NEK3: variants seen among roughly 807,000 people sequenced by gnomAD.
NEK3 encodes the protein NIMA related kinase 3, also known as serine/threonine-protein kinase Nek3.
In NEK3, 54 loss-of-function variants were observed where a neutral mutation model predicts 66.0. The observed-to-expected ratio is 0.82, with a 90% CI of 0.66 to 1.03. NEK3 has a LOEUF of 1.03. Ranked by LOEUF, NEK3 falls within the 50% of genes least tolerant of loss-of-function variation. The pLI, the probability that NEK3 is intolerant of heterozygous loss-of-function variation, is 0.00. For missense variants in NEK3, 593 were observed against 603.0 expected (o/e 0.98, Z 0.17); for synonymous variants, 200 against 206.2 (o/e 0.97, Z 0.26).
chr13:52,140,875 G>A, intron 11 of NEK3, 145 bp downstream of exon 11: 1 of 510,296 alleles, frequency 2.0e-6, no homozygotes, highest in Non-Finnish European at 3.4e-6. Flanking sequence ...GAGTGCAATG[G>A]CGCAATCTAG....
rs2138184537 is a variant in NEK3 at position 52,132,865 on chromosome 13, T to C, written c.*277A>G. 2.9e-6 allele frequency: 1 copy of C among 346,120 alleles called. No homozygotes were observed. Among genetic ancestry groups the C allele is most frequent in the South Asian group, 6.5e-5 (1 of 15,296 alleles). 21.4% of individuals were successfully genotyped at this position (346,120 alleles called of 1,614,324 possible). On this transcript the variant is annotated 3_prime_UTR_variant, in exon 16 of 16. Coordinates refer to ENST00000610828, the MANE Select transcript of NEK3 (RefSeq NM_002498.3). The stretch of plus-strand genomic sequence containing the variant: ...TTCCCACAATCACACAAGTAGGTAG[T>C]GGCACGCTAGCATCCCATTTCTGTT...
chr13:52,149,839 A>G (rs1286758856), intron 7 of NEK3, among the ~76,000 whole-genome samples: 1 of 151,598 alleles, frequency 6.6e-6, no homozygotes, highest in Non-Finnish European at 1.5e-5. Context: ...ATTGCACTCA[A>G]GCCTGAGCAA....
In NEK3 at chr13:52,156,068, T is replaced by C. The variant is rs747941549; in HGVS notation, c.117+7A>G. 1.7e-5 allele frequency: 27 copies of C among 1,550,032 alleles called. No homozygotes were observed. The highest frequency in any genetic ancestry group is 3.6e-5 in the Admixed American group (2 of 55,634). ...TTTCAAAGTGAGCTAATTTCTTTAGTAGTGACCTTGGGAAGCCTTATTTCT... is the reference window on the plus strand; with the variant it reads ...TTTCAAAGTGAGCTAATTTCTTTAGCAGTGACCTTGGGAAGCCTTATTTCT... On this transcript the variant is annotated splice_region_variant and intron_variant, in intron 2 of 15. Coordinates refer to ENST00000610828, the MANE Select transcript of NEK3 (RefSeq NM_002498.3).
chr13:52,140,522 G>A (rs1956240075), intron 11 of NEK3, among the ~76,000 whole-genome samples: 1 of 151,816 alleles, frequency 6.6e-6, no homozygotes, highest in Non-Finnish European at 1.5e-5. Context: ...GCAGAAGAAT[G>A]GCATGAATCC....
intron 7 of NEK3, among the ~76,000 whole-genome samples, chr13:52,149,234 G>A (rs28393037): frequency 0.45 from 67,724 of 150,930 alleles, 17,838 homozygotes; most frequent in Non-Finnish European, 0.59. Context: ...GGGTCTCACT[G>A]TGTTGCCTAG....
chr13:52,140,092 G>A (rs1956235467), intron 11 of NEK3, among the ~76,000 whole-genome samples: 1 of 146,924 alleles, frequency 6.8e-6, no homozygotes, highest in South Asian at 2.2e-4. Flanking sequence ...GCACATGCCT[G>A]TAGTCCCAGA....
Position 52,141,768 on chromosome 13 carries a change from T to C in NEK3, c.878-699A>G, listed in dbSNP as rs544776894. Among the ~76,000 whole-genome samples, 21 of 152,058 alleles carry C rather than the reference T, an allele frequency of 1.4e-4. No individual in the cohort carries two copies. The East Asian group carries it at 4.1e-3, about 29-fold the overall frequency. ...GCATTTCTCTAACTACTTATTCCTC[T>C]TTTTAGAAACTGTAACACTATACTT... On this transcript the variant is annotated intron_variant, in intron 10 of 15. Transcript: ENST00000610828.
rs752956116 is a variant in NEK3 at position 52,133,151 on chromosome 13, G to A, written c.1512C>T (p.Cys504=). The part of the protein sequence containing the change: ...LKKRAGWQGL[C]DR Reference sequence around the variant, plus strand: ...AACATTTCCTCAGGCATTATCTGTCGCACAGGCCTTGCCATCCAGCTCGCT... The same window carrying A: ...AACATTTCCTCAGGCATTATCTGTCACACAGGCCTTGCCATCCAGCTCGCT... Residue 504 remains cysteine, a synonymous_variant, in exon 16 of 16, where the codon TGC becomes TGT. Coordinates refer to ENST00000610828, the MANE Select transcript of NEK3 (RefSeq NM_002498.3). 7.5e-6 allele frequency: 12 copies of A among 1,608,742 alleles called. No individual in the cohort carries two copies. Among genetic ancestry groups the A allele is most frequent in the South Asian group, 4.5e-5 (4 of 89,438 alleles).
chr13:52,137,393 A>G (rs1012349950), intron 11 of NEK3, among the ~76,000 whole-genome samples: 6 of 152,228 alleles, frequency 3.9e-5, no homozygotes, highest in African/African-American at 1.4e-4. Context: ...AAATATAGTA[A>G]TACACTATCT....
chr13:52,142,353 TGCAA>T (rs1956258730), intron 10 of NEK3, among the ~76,000 whole-genome samples: 1 of 151,702 alleles, frequency 6.6e-6, no homozygotes, highest in Non-Finnish European at 1.5e-5. Context: ...CTCGGCTCAC[TGCAA>T]CCTCCACCTC....
chr13:52,136,749 G>T, intron 12 of NEK3, 51 bp downstream of exon 12: 1 of 1,134,420 alleles, frequency 8.8e-7, no homozygotes, highest in African/African-American at 1.6e-5. Flanking sequence ...CATAAAAATT[G>T]GTATTCCCCA....
chr13:52,159,616 C>G (rs948305724), upstream of NEK3: 3 of 152,368 alleles, frequency 2.0e-5, no homozygotes, highest in Non-Finnish European at 4.4e-5. Context: ...CCCGGCGGGT[C>G]GTCTCTCGGG....
At chr13:52,148,630 T>C (rs1000393556) in intron 7 of NEK3, among the ~76,000 whole-genome samples, 161 bp from the exon 8 acceptor site, 1 of 152,222 alleles carries the variant, frequency 6.6e-6, no homozygotes, top group African/African-American at 2.4e-5. Flanking sequence ...AGAGTAGTGT[T>C]CACAATAAAA....
chr13:52,136,208 C>A lies in NEK3; in HGVS notation c.1082G>T (p.Arg361Leu). 1 of 1,613,708 alleles carries A rather than the reference C, an allele frequency of 6.2e-7. No individual in the cohort carries two copies. The highest frequency in any genetic ancestry group is 1.1e-5 in the South Asian group (1 of 91,052). Residue 361 changes from arginine (R) to leucine (L), a missense_variant, in exon 13 of 16, where the codon CGA becomes CTA. Physicochemically the swap from Arg to Leu is moderately radical, Grantham distance 102 (BLOSUM62 -2). Coordinates refer to ENST00000610828, the MANE Select transcript of NEK3 (RefSeq NM_002498.3). Reference protein sequence around the residue: ...RKASSPNLHRRQWEKNVPNTA... With the variant: ...RKASSPNLHRLQWEKNVPNTA... Reference sequence around the variant, plus strand: ...ATTGGGTACATTTTTCTCCCACTGTCGTCTATGAAGATTTGGTGAACTGGC... The same window carrying A: ...ATTGGGTACATTTTTCTCCCACTGTAGTCTATGAAGATTTGGTGAACTGGC...
intron 11 of NEK3, among the ~76,000 whole-genome samples, chr13:52,137,180 G>C (rs994033944): frequency 1.3e-4 from 20 of 151,980 alleles, no homozygotes; most frequent in South Asian, 4.1e-4. Flanking sequence ...TAAATATGAA[G>C]AGGATATATT....
intron 11 of NEK3, among the ~76,000 whole-genome samples, chr13:52,137,327 G>A (rs1450785441): frequency 2.6e-5 from 4 of 152,104 alleles, no homozygotes; most frequent in African/African-American, 4.8e-5. Context: ...GAATCAAAAT[G>A]TTCCCACTTA....
chr13:52,137,331 C>T (rs1956214429), intron 11 of NEK3, among the ~76,000 whole-genome samples: 1 of 152,028 alleles, frequency 6.6e-6, no homozygotes, highest in Non-Finnish European at 1.5e-5. Context: ...CAAAATGTTC[C>T]CACTTAATTC....
At chr13:52,147,525 CA>C (rs1956304469) in intron 8 of NEK3, among the ~76,000 whole-genome samples, 2 of 152,102 alleles carry the variant, frequency 1.3e-5, no homozygotes, top group South Asian at 4.2e-4. Context: ...CACAAAAGGG[CA>C]AAAGTTCTAT....
chr13:52,145,130 C>T (rs550939818), intron 8 of NEK3, among the ~76,000 whole-genome samples: 14 of 152,142 alleles, frequency 9.2e-5, no homozygotes, highest in Non-Finnish European at 7.3e-5. Context: ...CCTGCTGTGA[C>T]TACCTTATTA....
Sources: allele counts gnomAD v4.1 joint callset (sites outside exome capture counted in the v4.1 genomes callset), GRCh38; gene constraint gnomAD v4.1.1; transcripts MANE v1.5; gene names NCBI Gene and HGNC (gene_info 2026-07-23, HGNC 2026-07-21).